The following ADGRL3 variants were observed in gnomAD, a reference collection of about 807,000 sequenced individuals.
ADGRL3 encodes the protein calcium-independent alpha-latrotoxin receptor 3.
A neutral mutation model predicts 153.5 loss-of-function variants in ADGRL3; 62 were observed. That is an observed-to-expected ratio of 0.40 (90% CI 0.33 to 0.50). ADGRL3 has a LOEUF of 0.50. Ranked by LOEUF, ADGRL3 falls within the 20% of genes least tolerant of loss-of-function variation. The pLI is 0.47. For synonymous variants in ADGRL3, 710 were observed against 672.5 expected (o/e 1.06, Z -0.86); for missense variants, 1,641 against 1,859.4 (o/e 0.88, Z 2.16).
At chr4:61,910,929 C>T (rs2098719158) in intron 12 of ADGRL3, among the ~76,000 whole-genome samples, 1 of 150,448 alleles carries the variant, frequency 6.6e-6, no homozygotes, top group African/African-American at 2.4e-5. Flanking sequence ...CTGTAAAAAA[C>T]AGGTAAAGTT....
At chr4:61,679,317 C>T (rs1250526004) in intron 6 of ADGRL3, among the ~76,000 whole-genome samples, 1 of 152,006 alleles carries the variant, frequency 6.6e-6, no homozygotes, top group Non-Finnish European at 1.5e-5. Context: ...CTGCGTGGCC[C>T]ATCTCCAACA....
intron 8 of ADGRL3, among the ~76,000 whole-genome samples, chr4:61,735,630 C>T (rs2096497818): frequency 6.6e-6 from 1 of 152,030 alleles, no homozygotes; most frequent in Admixed American, 6.6e-5. Flanking sequence ...GGTTCTTAGC[C>T]TTTTTTGACT....
chr4:61,930,572 A>T (rs1293130021), intron 13 of ADGRL3, among the ~76,000 whole-genome samples: 1 of 152,166 alleles, frequency 6.6e-6, no homozygotes, highest in Non-Finnish European at 1.5e-5. Context: ...ATCTTAACGA[A>T]CATATCAGAG....
At chr4:61,711,493 C>CAT (rs1554009889) in intron 6 of ADGRL3, among the ~76,000 whole-genome samples, 63 of 31,934 alleles carry the variant, frequency 2.0e-3, no homozygotes, top group East Asian at 0.012. Flanking sequence ...TATATATATA[C>CAT]ACACACACAC....
chr4:61,413,472 G>T (rs1007588560), intron 2 of ADGRL3, among the ~76,000 whole-genome samples: 1 of 152,094 alleles, frequency 6.6e-6, no homozygotes, highest in Non-Finnish European at 1.5e-5. Context: ...CTTTTTGGGG[G>T]TTGCATAGAG....
chr4:61,770,287 T>C (rs537833459), intron 8 of ADGRL3, among the ~76,000 whole-genome samples: 61 of 152,334 alleles, frequency 4.0e-4, no homozygotes, highest in Non-Finnish European at 7.6e-4. Flanking sequence ...GGACTAAATT[T>C]TGGGAGATGG....
chr4:61,874,545 A>G (rs1343120671), intron 9 of ADGRL3, among the ~76,000 whole-genome samples: 1 of 151,894 alleles, frequency 6.6e-6, no homozygotes, highest in Non-Finnish European at 1.5e-5. Context: ...GGGCCACTCT[A>G]GAGCCTGTCT....
At chr4:61,920,729 G>GTCA (rs1413362366) in intron 13 of ADGRL3, among the ~76,000 whole-genome samples, 1 of 152,154 alleles carries the variant, frequency 6.6e-6, no homozygotes, top group Non-Finnish European at 1.5e-5. Flanking sequence ...CAATCATCAT[G>GTCA]TCATGCTAAT....
chr4:61,852,810 T>TTTTATTTATTTA lies in ADGRL3; in HGVS notation c.1480+38948_1480+38959dup, dbSNP rs145148534. ...ATAGAGGAATCCTGAACTCATCATC[T>TTTTATTTATTTA]TTTATTTATTTATTTATTTATTTAT... is the stretch of plus-strand genomic sequence containing the variant. On this transcript the variant is annotated intron_variant, in intron 9 of 26. Transcript: ENST00000683033. Among the ~76,000 whole-genome samples the TTTTATTTATTTA allele has an allele frequency of 1.3e-4, 19 of 149,652 alleles. No individual in the cohort carries two copies. In the East Asian group the frequency reaches 3.0e-3, roughly 24 times the overall value.
Position 61,299,771 on chromosome 4 carries a change from C to T in ADGRL3, c.-239-83353C>T, listed in dbSNP as rs544530666. On this transcript the variant is annotated intron_variant, in intron 1 of 26. Transcript: ENST00000683033. ...TCTTTATATAAAGATTTATGTTGTA[C>T]ATTTTCCCAGTTCTTGGCAAAAGCT... is the stretch of plus-strand genomic sequence containing the variant. 4.6e-5 allele frequency among the ~76,000 whole-genome samples: 7 copies of T among 152,234 alleles called. No homozygotes were observed. In the South Asian group the frequency reaches 1.5e-3, roughly 32 times the overall value.
intron 1 of ADGRL3, among the ~76,000 whole-genome samples, chr4:61,233,366 A>G (rs543036042): frequency 1.3e-5 from 2 of 152,124 alleles, no homozygotes; most frequent in African/African-American, 4.8e-5. Flanking sequence ...GGTTTGCCCT[A>G]CTTTTCTACC....
rs2098836722 is a variant in ADGRL3, at chr4:61,936,005, C to A, written c.2379C>A (p.Ile793=). The A allele has an allele frequency of 6.2e-7, 1 of 1,610,150 alleles. No individual in the cohort carries two copies. Among genetic ancestry groups the A allele is most frequent in the African/African-American group, 1.3e-5 (1 of 74,964 alleles). ...AAAACATGGGCCATGGAAGCACTAT[C>A]CAGCTGTCTGCAAATACCTTAAAGC... The part of the protein sequence containing the change: ...FPENMGHGST[I]QLSANTLKQN... The change falls in exon 15 of 27, where the codon ATC becomes ATA. Residue 793 remains isoleucine, a synonymous_variant. Coordinates refer to ENST00000683033, the MANE Select transcript of ADGRL3 (RefSeq NM_001387552.1).
intron 5 of ADGRL3, among the ~76,000 whole-genome samples, chr4:61,625,025 T>A (rs1354304163): frequency 6.6e-6 from 1 of 152,024 alleles, no homozygotes; most frequent in Non-Finnish European, 1.5e-5. Flanking sequence ...TTTGAAAAAT[T>A]GCCTAGATAA....
intron 21 of ADGRL3, among the ~76,000 whole-genome samples, chr4:62,010,489 T>C (rs1452035873): frequency 6.6e-6 from 1 of 152,186 alleles, no homozygotes; most frequent in Non-Finnish European, 1.5e-5. Context: ...AGTACTCTTA[T>C]AAAAACATTT....
At chr4:61,395,678 A>G (rs937589191) in intron 2 of ADGRL3, among the ~76,000 whole-genome samples, 1 of 152,008 alleles carries the variant, frequency 6.6e-6, no homozygotes, top group Non-Finnish European at 1.5e-5. Flanking sequence ...TCAGTAAAAT[A>G]TAACAAATTA....
At chr4:61,283,639 G>A (rs927413291) in intron 1 of ADGRL3, among the ~76,000 whole-genome samples, 1 of 151,896 alleles carries the variant, frequency 6.6e-6, no homozygotes, top group African/African-American at 2.4e-5. Context: ...TCTCCAAAGT[G>A]CAGATCTGAT....
chr4:62,007,190 C>G (rs1205883786), intron 21 of ADGRL3, among the ~76,000 whole-genome samples: 1 of 150,406 alleles, frequency 6.6e-6, no homozygotes, highest in Non-Finnish European at 1.5e-5. Context: ...CTCCCATGTT[C>G]AGGATGTAAA....
intron 1 of ADGRL3, among the ~76,000 whole-genome samples, chr4:61,274,567 A>C (rs542707920): frequency 6.3e-4 from 96 of 152,314 alleles, no homozygotes; most frequent in African/African-American, 2.2e-3. Context: ...TGATTTAAAA[A>C]ACAACATATT....
chr4:61,785,278 C>T (rs2097263797), intron 8 of ADGRL3, among the ~76,000 whole-genome samples: 1 of 152,044 alleles, frequency 6.6e-6, no homozygotes, highest in Non-Finnish European at 1.5e-5. Context: ...AATTCTTATT[C>T]TTTGATAAAA....
Sources: allele counts gnomAD v4.1 joint callset (sites outside exome capture counted in the v4.1 genomes callset), GRCh38; gene constraint gnomAD v4.1.1; transcripts MANE v1.5; gene names NCBI Gene and HGNC (gene_info 2026-07-23, HGNC 2026-07-21).